CRPPA: variants seen among roughly 807,000 people sequenced by gnomAD.
CRPPA encodes the protein D-ribitol-5-phosphate cytidylyltransferase.
Under a neutral mutation model 52.0 loss-of-function variants are expected in CRPPA, and 43 were observed. That is an observed-to-expected ratio of 0.83 (90% CI 0.65 to 1.07). The LOEUF is 1.07. CRPPA is among the 50% of genes least tolerant of loss of function. The pLI is 0.00. For missense variants in CRPPA, 629 were observed against 551.7 expected (o/e 1.14, Z -1.40); for synonymous variants, 250 against 203.5 (o/e 1.23, Z -1.94).
At chr7:16,414,185 T>G (rs760731179) in intron 1 of CRPPA, among the ~76,000 whole-genome samples, 1 of 152,168 alleles carries the variant, frequency 6.6e-6, no homozygotes, top group Non-Finnish European at 1.5e-5. Flanking sequence ...AGGAAAGCCC[T>G]GCCAGACCTT....
chr7:16,184,719 C>T (rs1039403840), intron 9 of CRPPA, among the ~76,000 whole-genome samples: 1 of 152,158 alleles, frequency 6.6e-6, no homozygotes, highest in Non-Finnish European at 1.5e-5. Context: ...ATCATACTTC[C>T]TATAGGCATT....
intron 4 of CRPPA, among the ~76,000 whole-genome samples, chr7:16,302,029 C>G (rs189418525): frequency 6.6e-6 from 1 of 152,226 alleles, no homozygotes; most frequent in East Asian, 1.9e-4. Context: ...CAATGATGAT[C>G]TTTCCTTAAA....
intron 8 of CRPPA, among the ~76,000 whole-genome samples, chr7:16,219,035 C>T (rs192346784): frequency 2.0e-5 from 3 of 152,212 alleles, no homozygotes; most frequent in Admixed American, 2.0e-4. Flanking sequence ...TTACCACATA[C>T]TTGGAAGTAA....
At chr7:16,401,035 A>G (rs1787804596) in intron 2 of CRPPA, among the ~76,000 whole-genome samples, 1 of 152,170 alleles carries the variant, frequency 6.6e-6, no homozygotes, top group South Asian at 2.1e-4. Flanking sequence ...GTTTCATGAT[A>G]GAGGCATGAC....
At chr7:16,336,838 G>C (rs1023728821) in intron 3 of CRPPA, among the ~76,000 whole-genome samples, 2 of 152,040 alleles carry the variant, frequency 1.3e-5, no homozygotes, top group Admixed American at 1.3e-4. Context: ...AGGGGTAGCA[G>C]GGTAGCTATA....
intron 5 of CRPPA, among the ~76,000 whole-genome samples, chr7:16,294,043 A>T (rs983214382): frequency 2.6e-5 from 4 of 151,978 alleles, no homozygotes; most frequent in African/African-American, 9.7e-5. Context: ...CAAAATGAAA[A>T]GCCTGGTGTT....
At position 16,421,458 on chromosome 7, in the gene CRPPA, C is replaced by A. The variant is rs999248149; in HGVS notation, c.-136G>T. Reference sequence around the variant, plus strand: ...AGAGCGCGCAAGCAGAAGGCGCCCCCCTCAGCCGTCGGAGCCCCGCTGTTG... The same window carrying A: ...AGAGCGCGCAAGCAGAAGGCGCCCCACTCAGCCGTCGGAGCCCCGCTGTTG... On this transcript the variant is annotated 5_prime_UTR_variant, in exon 1 of 10. Transcript: ENST00000407010. 13 of 871,798 alleles carry A rather than the reference C, an allele frequency of 1.5e-5. No individual in the cohort carries two copies. Among genetic ancestry groups the A allele is most frequent in the African/African-American group, 3.5e-5 (2 of 56,936 alleles). The allele number at this position is 871,798 out of a possible 1,614,324, so 54.0% of individuals were successfully genotyped here.
At chr7:16,156,256 A>G (rs1783178705) in intron 9 of CRPPA, among the ~76,000 whole-genome samples, 1 of 152,208 alleles carries the variant, frequency 6.6e-6, no homozygotes, top group South Asian at 2.1e-4. Flanking sequence ...GCTTTAGCTA[A>G]TAACTGTCAC....
chr7:16,272,048 G>A (rs536657416), intron 6 of CRPPA, among the ~76,000 whole-genome samples: 1 of 152,304 alleles, frequency 6.6e-6, no homozygotes, highest in African/African-American at 2.4e-5. Context: ...GGGAAGAAGT[G>A]AGAGAGGTCC....
chr7:16,417,503 G>A (rs1252519401), intron 1 of CRPPA, among the ~76,000 whole-genome samples: 3 of 152,172 alleles, frequency 2.0e-5, no homozygotes, highest in African/African-American at 7.2e-5. Context: ...CATGATTGCA[G>A]CTGGAGGCCA....
chr7:16,287,939 G>T (rs1426048652), intron 5 of CRPPA, among the ~76,000 whole-genome samples: 1 of 136,272 alleles, frequency 7.3e-6, no homozygotes, highest in Non-Finnish European at 1.6e-5. Flanking sequence ...GGGAGGGAGG[G>T]AGGGAGGGAG....
chr7:16,134,559 G>C (rs1312714552), intron 9 of CRPPA, among the ~76,000 whole-genome samples: 1 of 152,150 alleles, frequency 6.6e-6, no homozygotes, highest in African/African-American at 2.4e-5. Flanking sequence ...TCAAGTTTTT[G>C]GAGAGTCAAA....
At chr7:16,170,223 G>C (rs1019464902) in intron 9 of CRPPA, among the ~76,000 whole-genome samples, 1 of 152,148 alleles carries the variant, frequency 6.6e-6, no homozygotes, top group African/African-American at 2.4e-5. Flanking sequence ...CAAGGGCAGA[G>C]AGTAAACGAT....
At chr7:16,347,305 A>G (rs2128307180) in intron 3 of CRPPA, among the ~76,000 whole-genome samples, 1 of 152,258 alleles carries the variant, frequency 6.6e-6, no homozygotes, top group East Asian at 1.9e-4. Flanking sequence ...CTAAGTGACT[A>G]AAGTCTTATT....
chr7:16,322,789 G>A (rs960692332), intron 3 of CRPPA, among the ~76,000 whole-genome samples: 5 of 152,038 alleles, frequency 3.3e-5, no homozygotes, highest in African/African-American at 7.2e-5. Context: ...GTATCAGTCC[G>A]TTCTCATGCT....
intron 6 of CRPPA, among the ~76,000 whole-genome samples, chr7:16,265,911 C>A (rs151134301): frequency 6.6e-6 from 1 of 152,144 alleles, no homozygotes; most frequent in South Asian, 2.1e-4. Context: ...AAGGGGCTAG[C>A]ACTCAGACTC....
At chr7:16,188,465 A>G (rs1411021554) in intron 9 of CRPPA, among the ~76,000 whole-genome samples, 1 of 152,174 alleles carries the variant, frequency 6.6e-6, no homozygotes, top group African/African-American at 2.4e-5. Flanking sequence ...ATTTTTAAAC[A>G]ATGCATCACA....
At chr7:16,210,826 A>G (rs999966932) in intron 9 of CRPPA, among the ~76,000 whole-genome samples, 2 of 152,140 alleles carry the variant, frequency 1.3e-5, no homozygotes, top group African/African-American at 4.8e-5. Flanking sequence ...ACATACAGAA[A>G]GTAGCTTCTT....
At chr7:16,219,829 A>G (rs1174814779) in intron 8 of CRPPA, among the ~76,000 whole-genome samples, 1 of 150,222 alleles carries the variant, frequency 6.7e-6, no homozygotes, top group Admixed American at 6.7e-5. Context: ...AGAGTCCAGG[A>G]CCAGATGGAT....
Sources: allele counts gnomAD v4.1 joint callset (sites outside exome capture counted in the v4.1 genomes callset), GRCh38; gene constraint gnomAD v4.1.1; transcripts MANE v1.5; gene names NCBI Gene and HGNC (gene_info 2026-07-23, HGNC 2026-07-21).